GAK: variants seen among roughly 807,000 people sequenced by gnomAD.
GAK encodes cyclin-G-associated kinase.
In GAK, 79 loss-of-function variants were observed where a neutral mutation model predicts 143.9. That is an observed-to-expected ratio of 0.55 (90% CI 0.46 to 0.66). The LOEUF (loss-of-function observed/expected upper bound fraction) is 0.66. Ranked by LOEUF, GAK falls within the 30% of genes least tolerant of loss-of-function variation. The pLI is 0.00. For synonymous variants in GAK, 881 were observed against 765.5 expected, an observed-to-expected ratio of 1.15 and a Z score of -2.49; for missense variants, 1,693 against 1,779.7, an observed-to-expected ratio of 0.95 and a Z score of 0.88.
rs1212065313 is a variant in GAK at position 883,455 on chromosome 4, A to G, written c.1264T>C (p.Phe422Leu). The G allele has an allele frequency of 1.2e-6, 2 of 1,613,416 alleles. No individual in the cohort carries two copies. The highest frequency in any genetic ancestry group is 3.3e-5 in the Admixed American group (2 of 60,016). ...GCTGACTCCACACCTTCTGCTGGGAATGACATCACTGAAACAAGCAGACCT... is the reference window on the plus strand; with the variant it reads ...GCTGACTCCACACCTTCTGCTGGGAGTGACATCACTGAAACAAGCAGACCT... ...YITSRIAVMSFPAEGVESALK... is the reference protein window; with the variant it reads ...YITSRIAVMSLPAEGVESALK... Residue 422 changes from phenylalanine (F) to leucine (L), a missense_variant, in exon 13 of 28, where the codon TTC (phenylalanine) becomes CTC (leucine). By Grantham distance (22) the Phe-to-Leu change is conservative. Around this residue, in one of 2 missense-constraint regions of GAK, gnomAD observed 871 missense variants for 991.0 expected, o/e 0.88. Coordinates refer to ENST00000314167, the MANE Select transcript of GAK (RefSeq NM_005255.4).
At chr4:860,731 G>A (rs1367970192) in intron 23 of GAK, among the ~76,000 whole-genome samples, 2 of 148,268 alleles carry the variant, frequency 1.3e-5, no homozygotes, top group Non-Finnish European at 3.0e-5. Flanking sequence ...CCAGGCCCTG[G>A]CGCACCTCGC....
chr4:875,320 C>A (rs1010806735), intron 18 of GAK, among the ~76,000 whole-genome samples: 2 of 152,308 alleles, frequency 1.3e-5, no homozygotes, highest in Non-Finnish European at 2.9e-5. Context: ...AAAAGAAAAG[C>A]GTAAGACACA....
intron 23 of GAK, among the ~76,000 whole-genome samples, chr4:862,683 T>C (rs956474300): frequency 6.6e-6 from 1 of 151,954 alleles, no homozygotes; most frequent in African/African-American, 2.4e-5. Flanking sequence ...GATTCTAAAT[T>C]GACTCGGCTT....
intron 5 of GAK, among the ~76,000 whole-genome samples, chr4:902,612 A>AAAAAAAAAAAAAAAAC (rs1560401696): frequency 3.5e-5 from 5 of 143,936 alleles, no homozygotes; most frequent in African/African-American, 1.3e-4. Flanking sequence ...AAAAAAAAAA[A>AAAAAAAAAAAAAAAAC]AACCCCAAAA....
At chr4:862,583 G>A (rs1375418880) in intron 23 of GAK, among the ~76,000 whole-genome samples, 5 of 152,110 alleles carry the variant, frequency 3.3e-5, no homozygotes, top group South Asian at 4.2e-4. Flanking sequence ...GTGTCAACCC[G>A]GGAGGCGGAG....
At chr4:873,310 C>T (rs189689349) in intron 18 of GAK, among the ~76,000 whole-genome samples, 2 of 152,314 alleles carry the variant, frequency 1.3e-5, no homozygotes, top group East Asian at 1.9e-4. Context: ...GGTCACTTAA[C>T]GAGCATACGG....
In GAK at chr4:898,115, C is replaced by A; in HGVS notation, c.569G>T (p.Cys190Phe). 1 of 1,614,214 alleles carries A rather than the reference C, an allele frequency of 6.2e-7. No homozygotes were observed. Among genetic ancestry groups the A allele is most frequent in the South Asian group, 1.1e-5 (1 of 91,082 alleles). The stretch of plus-strand genomic sequence containing the variant: ...GATGGTCGTGGCACTGCCAAAGTCA[C>A]ACAGCTTAATGGTCCCTTGGTTACT... ...LLSNQGTIKLCDFGSATTISH... is the reference protein window; with the variant it reads ...LLSNQGTIKLFDFGSATTISH... Residue 190 changes from cysteine to phenylalanine, a missense_variant, in exon 6 of 28, where the codon TGT (cysteine) becomes TTT (phenylalanine). Cys to Phe is a radical substitution (Grantham distance 205, BLOSUM62 -2). This residue lies in a region of GAK where 871 missense variants were observed against 991.0 expected (regional missense o/e 0.88). Coordinates refer to ENST00000314167, the MANE Select transcript of GAK (RefSeq NM_005255.4).
chr4:854,636 T>C (rs1184482244), intron 24 of GAK, among the ~76,000 whole-genome samples: 14 of 152,250 alleles, frequency 9.2e-5, no homozygotes, highest in Admixed American at 8.5e-4. Context: ...CTGAGTCCTC[T>C]CTTCTCTCCA....
At chr4:920,295 A>G (rs1317686516) in intron 1 of GAK, among the ~76,000 whole-genome samples, 1 of 151,320 alleles carries the variant, frequency 6.6e-6, no homozygotes, top group East Asian at 1.9e-4. Context: ...GCGACAGAGC[A>G]AAAGTCCATC....
chr4:882,963 AC>A, intron 13 of GAK, 144 bp from the exon 14 acceptor site: 1 of 1,057,308 alleles, frequency 9.5e-7, no homozygotes, highest in Non-Finnish European at 1.3e-6. Flanking sequence ...AGACCTGAGC[AC>A]CAGGGCTGCC....
At chr4:913,041 A>G (rs1722314107) in intron 2 of GAK, among the ~76,000 whole-genome samples, 1 of 152,260 alleles carries the variant, frequency 6.6e-6, no homozygotes, top group Admixed American at 6.5e-5. Flanking sequence ...CAAATGGGCC[A>G]GAGTAAAATG....
intron 4 of GAK, among the ~76,000 whole-genome samples, chr4:908,630 T>C (rs970275351): frequency 6.6e-6 from 1 of 152,112 alleles, no homozygotes; most frequent in Non-Finnish European, 1.5e-5. Flanking sequence ...AAAAGTTTAC[T>C]CTTTAAAATT....
chr4:876,330 G>A (rs3736089), intron 18 of GAK, among the ~76,000 whole-genome samples, 200 bp downstream of exon 18: 12,971 of 151,586 alleles, frequency 0.086, 775 homozygotes, highest in South Asian at 0.18. Context: ...CAACGGGGGG[G>A]CAGAGCAGCA....
intron 1 of GAK, among the ~76,000 whole-genome samples, chr4:917,489 T>C (rs1723260796): frequency 6.6e-6 from 1 of 151,178 alleles, no homozygotes. Flanking sequence ...AAAACACAAA[T>C]GGATCTATAG....
At position 882,723 on chromosome 4, in the gene GAK, TGTG is replaced by T. The variant is rs777775235; in HGVS notation, c.1498_1500del (p.His500del). ...ATGCAGTGCACGACGCAGACGTTCT[TGTG>T]GTCCTGCCGCAGCCAGGCGTGCATG... On this transcript the variant is annotated inframe_deletion, in exon 14 of 28. Transcript: ENST00000314167. The T allele has an allele frequency of 8.1e-6, 13 of 1,612,728 alleles. No homozygotes were observed. Among genetic ancestry groups the T allele is most frequent in the Non-Finnish European group, 1.0e-5 (12 of 1,179,962 alleles).
At chr4:931,321 CG>C (rs1725712573) in intron 1 of GAK, among the ~76,000 whole-genome samples, 1 of 152,132 alleles carries the variant, frequency 6.6e-6, no homozygotes, top group African/African-American at 2.4e-5. Flanking sequence ...GTACTACACA[CG>C]GAATCACACG....
At chr4:874,760 T>C (rs1264715869) in intron 18 of GAK, among the ~76,000 whole-genome samples, 4 of 152,130 alleles carry the variant, frequency 2.6e-5, no homozygotes, top group Non-Finnish European at 5.9e-5. Flanking sequence ...TTTTGGCCAA[T>C]GATTTTTCAA....
intron 24 of GAK, among the ~76,000 whole-genome samples, chr4:856,615 G>GCTCACACCTGCTCACAGC (rs1560281866): frequency 9.1e-6 from 1 of 109,718 alleles, no homozygotes; most frequent in Non-Finnish European, 1.8e-5. Context: ...CTCACCACAG[G>GCTCACACCTGCTCACAGC]TGCTCACACC....
chr4:882,022 C>A lies in GAK; in HGVS notation c.1546G>T (p.Ala516Ser), dbSNP rs940585858. 2.5e-6 allele frequency: 4 copies of A among 1,606,014 alleles called. No individual in the cohort carries two copies. The highest frequency in any genetic ancestry group is 1.7e-5 in the Admixed American group (1 of 59,370). The change falls in exon 15 of 28, where the codon GCT becomes TCT. Residue 516 changes from alanine to serine, a missense_variant. This residue lies in a region of GAK where 871 missense variants were observed against 991.0 expected (regional missense o/e 0.88). Transcript: ENST00000314167. ...CACAGGAAGGAGCAGACGGCCACAG[C>A]AGACGCGGCTCTCCCGTCCTAGGAC... Reference protein sequence around the residue: ...VHCMDGRAASAVAVCSFLCFC... With the variant: ...VHCMDGRAASSVAVCSFLCFC...
Sources: allele counts gnomAD v4.1 joint callset (sites outside exome capture counted in the v4.1 genomes callset), GRCh38; gene constraint gnomAD v4.1.1; regional missense constraint gnomAD v4.1.1; transcripts MANE v1.5; gene names NCBI Gene and HGNC (gene_info 2026-07-23, HGNC 2026-07-21).